Variants in SUPT3H observed in about 807,000 individuals in gnomAD.
SUPT3H encodes the protein SPT3 homolog, SAGA and STAGA complex component, also known as transcription initiation protein SPT3 homolog.
A neutral mutation model predicts 44.3 loss-of-function variants in SUPT3H; 44 were observed. That is an observed-to-expected ratio of 0.99 (90% CI 0.78 to 1.28). The LOEUF (loss-of-function observed/expected upper bound fraction) is 1.28. Among genes scored for constraint, SUPT3H ranks in the 50% most tolerant of loss-of-function variants. The probability of loss-of-function intolerance (pLI) is 0.00; values close to 1 mark genes in which losing one functional copy is unlikely to be tolerated. For missense variants in SUPT3H, 380 were observed against 387.1 expected, an observed-to-expected ratio of 0.98 and a Z score of 0.15; for synonymous variants, 124 against 125.6, an observed-to-expected ratio of 0.99 and a Z score of 0.09.
chr6:44,832,069 G>T (rs571475383), intron 10 of SUPT3H, among the ~76,000 whole-genome samples: 33 of 151,886 alleles, frequency 2.2e-4, no homozygotes, highest in African/African-American at 7.2e-4. Context: ...ATTCCCTAGG[G>T]TACTCTATTT....
At chr6:45,317,274 A>T (rs1441814982) in intron 2 of SUPT3H, among the ~76,000 whole-genome samples, 2 of 150,418 alleles carry the variant, frequency 1.3e-5, no homozygotes, top group Admixed American at 6.7e-5. Context: ...AAATGTCCAG[A>T]CTACCCAAAG....
At chr6:45,177,943 C>A (rs201833755) in intron 2 of SUPT3H, among the ~76,000 whole-genome samples, 2 of 152,132 alleles carry the variant, frequency 1.3e-5, no homozygotes, top group Admixed American at 6.5e-5. Context: ...AAGGAACAAC[C>A]GGTACCAGCT....
intron 10 of SUPT3H, among the ~76,000 whole-genome samples, chr6:44,889,087 C>G (rs992796272): frequency 6.6e-6 from 1 of 151,440 alleles, no homozygotes; most frequent in Non-Finnish European, 1.5e-5. Flanking sequence ...TCAAGGAGAA[C>G]TACAAACCAC....
intron 10 of SUPT3H, among the ~76,000 whole-genome samples, chr6:44,909,390 T>C (rs1293680510): frequency 6.6e-6 from 1 of 152,166 alleles, no homozygotes. Flanking sequence ...GCTCTTCTTA[T>C]ATATTTCATT....
chr6:45,325,508 G>C (rs1006376846), intron 2 of SUPT3H, among the ~76,000 whole-genome samples: 16 of 151,868 alleles, frequency 1.1e-4, no homozygotes, highest in Non-Finnish European at 1.9e-4. Context: ...TTGATTTCAA[G>C]ATCAAAACTG....
intron 2 of SUPT3H, among the ~76,000 whole-genome samples, chr6:45,155,641 G>A (rs1185155649): frequency 6.6e-6 from 1 of 152,094 alleles, no homozygotes; most frequent in Non-Finnish European, 1.5e-5. Context: ...ATAAGCAAAA[G>A]CAGCTAACCT....
intron 3 of SUPT3H, among the ~76,000 whole-genome samples, chr6:45,097,327 G>A (rs1017253518): frequency 6.6e-6 from 1 of 152,190 alleles, no homozygotes; most frequent in Non-Finnish European, 1.5e-5. Flanking sequence ...GTCAAGCCCA[G>A]CTGTGAGTTT....
chr6:45,005,853 G>A (rs1228576672), intron 5 of SUPT3H, among the ~76,000 whole-genome samples: 1 of 151,884 alleles, frequency 6.6e-6, no homozygotes, highest in South Asian at 2.1e-4. Flanking sequence ...GGTTTACTTT[G>A]TGGCCAATTT....
intron 3 of SUPT3H, among the ~76,000 whole-genome samples, chr6:45,035,723 A>T (rs1325792587): frequency 6.6e-6 from 1 of 152,190 alleles, no homozygotes. Flanking sequence ...GTAAATAGTT[A>T]TTACAGATTG....
At chr6:45,013,526 A>G (rs1583050364) in intron 5 of SUPT3H, among the ~76,000 whole-genome samples, 2 of 152,038 alleles carry the variant, frequency 1.3e-5, no homozygotes, top group South Asian at 4.1e-4. Flanking sequence ...TGATCTGGAA[A>G]GGGAAGCAAC....
rs183473476 is a variant in SUPT3H, at chr6:44,838,567, C to T, written c.913-8710G>A. ...AAGGCCAAGAGGAGAGAGATCTTGA[C>T]TTATCTTGTTTCCAAATGCCAATCT... On this transcript the variant is annotated intron_variant, in intron 10 of 10. Coordinates refer to ENST00000371459, the MANE Select transcript of SUPT3H (RefSeq NM_003599.4). 1.6e-3 allele frequency among the ~76,000 whole-genome samples: 249 copies of T among 152,232 alleles called. 2 individuals carry two copies. The highest frequency in any genetic ancestry group is 5.6e-3 in the African/African-American group (231 of 41,510).
chr6:44,957,155 T>G (rs1281037217), intron 7 of SUPT3H, among the ~76,000 whole-genome samples: 1 of 151,104 alleles, frequency 6.6e-6, no homozygotes, highest in East Asian at 1.9e-4. Context: ...TTGATTAATC[T>G]GGCCCCACGG....
At chr6:44,825,699 GAC>G (rs1767692844), downstream of SUPT3H, among the ~76,000 whole-genome samples, 1 of 151,990 alleles carries the variant, frequency 6.6e-6, no homozygotes, top group Non-Finnish European at 1.5e-5. Context: ...TTAAAATGCT[GAC>G]ACAATACATC....
At chr6:45,157,431 C>T (rs542444780) in intron 2 of SUPT3H, among the ~76,000 whole-genome samples, 8 of 151,932 alleles carry the variant, frequency 5.3e-5, no homozygotes, top group Admixed American at 3.3e-4. Flanking sequence ...ATTTGAAAGA[C>T]GTACCAATGC....
intron 10 of SUPT3H, among the ~76,000 whole-genome samples, chr6:44,884,873 G>A (rs905731603): frequency 1.3e-5 from 2 of 152,184 alleles, no homozygotes; most frequent in African/African-American, 4.8e-5. Flanking sequence ...AAAGAAAGGG[G>A]TGACAGACGG....
chr6:45,363,798 G>A (rs1210210147), intron 2 of SUPT3H, among the ~76,000 whole-genome samples: 1 of 151,826 alleles, frequency 6.6e-6, no homozygotes, highest in Non-Finnish European at 1.5e-5. Flanking sequence ...CATCTGAAAG[G>A]TGTAATCAAT....
rs1305386978 is a variant in SUPT3H at position 45,278,189 on chromosome 6, T to C, written c.101+87012A>G. The stretch of plus-strand genomic sequence containing the variant: ...GGATAGCATTAGAAGAAATACCTAA[T>C]GTAGATGACGAGTTGATGGGTGCAG... On this transcript the variant is annotated intron_variant, in intron 2 of 10. Transcript: ENST00000371459. Among the ~76,000 whole-genome samples the C allele has an allele frequency of 2.5e-4, 38 of 152,024 alleles. 1 individual carries two copies. The highest frequency in any genetic ancestry group is 2.4e-3 in the Admixed American group (37 of 15,254).
At chr6:44,930,330 G>A (rs1770365190) in intron 10 of SUPT3H, among the ~76,000 whole-genome samples, 2 of 150,978 alleles carry the variant, frequency 1.3e-5, no homozygotes, top group South Asian at 2.1e-4. Flanking sequence ...GCAGTGAGCC[G>A]AGTTCGCGCC....
chr6:45,138,023 T>C (rs1321223259), intron 2 of SUPT3H, among the ~76,000 whole-genome samples: 1 of 152,052 alleles, frequency 6.6e-6, no homozygotes, highest in Non-Finnish European at 1.5e-5. Context: ...AATAAGAAGA[T>C]AACCCAATTT....
Sources: gnomAD v4.1 joint callset for allele counts (sites outside exome capture counted in the v4.1 genomes callset) on GRCh38, gnomAD v4.1.1 for gene constraint, MANE v1.5 for transcripts, NCBI Gene and HGNC (gene_info 2026-07-23, HGNC 2026-07-21) for gene names.